The following SBNO1 variants were observed in gnomAD, a reference collection of about 807,000 sequenced individuals.
SBNO1 encodes strawberry notch homolog 1, also known as protein strawberry notch homolog 1.
SBNO1 carries 23 observed loss-of-function variants against 173.6 expected under a neutral mutation model. That is an observed-to-expected ratio of 0.13 (90% CI 0.10 to 0.19). SBNO1 has a LOEUF of 0.19. Among genes scored for constraint, SBNO1 ranks in the 10% least tolerant of loss-of-function variants. The probability of loss-of-function intolerance (pLI) is 1.00; values close to 1 mark genes in which losing one functional copy is unlikely to be tolerated. For synonymous variants in SBNO1, 632 were observed against 571.5 expected (o/e 1.11, Z -1.51); for missense variants, 1,238 against 1,671.2 (o/e 0.74, Z 4.52).
chr12:123,299,987 A>G (rs2048732163), intron 30 of SBNO1, among the ~76,000 whole-genome samples: 2 of 152,196 alleles, frequency 1.3e-5, no homozygotes, highest in East Asian at 3.8e-4. Flanking sequence ...GGAAGGACTC[A>G]GCAATCTAGA....
chr12:123,314,568 T>C (rs927722337), intron 23 of SBNO1, among the ~76,000 whole-genome samples: 36 of 152,006 alleles, frequency 2.4e-4, no homozygotes, highest in African/African-American at 8.7e-4. Context: ...GACCTCGTGA[T>C]CCACCCACCT....
intron 31 of SBNO1, 81 bp from the exon 32 acceptor site, chr12:123,296,131 G>A: frequency 1.2e-6 from 1 of 869,002 alleles, no homozygotes; most frequent in Admixed American, 2.1e-5. Flanking sequence ...TCCAAATGAG[G>A]CATAATATTA....
In SBNO1 at chr12:123,297,674, G is replaced by A. The variant is rs2048654943; in HGVS notation, c.4039+304C>T. On this transcript the variant is annotated intron_variant, in intron 31 of 31. Coordinates refer to ENST00000602398, the MANE Select transcript of SBNO1 (RefSeq NM_001167856.3). Reference sequence around the variant, plus strand: ...AGTTAGCTCAATGGAGAACTCCTGGGCAAGAGGCTGAACTGTCTACACACC... The same window carrying A: ...AGTTAGCTCAATGGAGAACTCCTGGACAAGAGGCTGAACTGTCTACACACC... 1.3e-5 allele frequency among the ~76,000 whole-genome samples: 2 copies of A among 151,960 alleles called. 1 individual carries two copies. Among genetic ancestry groups the A allele is most frequent in the Admixed American group, 1.3e-4 (2 of 15,226 alleles).
intron 16 of SBNO1, among the ~76,000 whole-genome samples, chr12:123,322,281 T>C (rs1463062198): frequency 6.6e-6 from 1 of 151,862 alleles, no homozygotes; most frequent in Non-Finnish European, 1.5e-5. Flanking sequence ...TACAGGCACA[T>C]GCAACCATGA....
At chr12:123,298,932 G>A (rs1183092149) in intron 30 of SBNO1, among the ~76,000 whole-genome samples, 1 of 152,154 alleles carries the variant, frequency 6.6e-6, no homozygotes, top group Non-Finnish European at 1.5e-5. Context: ...TCTACAAAAA[G>A]TTTAAAATAA....
chr12:123,345,665 A>C, intron 3 of SBNO1, 95 bp from the exon 4 acceptor site: 1 of 1,050,644 alleles, frequency 9.5e-7, no homozygotes, highest in Non-Finnish European at 1.4e-6. Flanking sequence ...AAAATCTAAA[A>C]TGCACTTTTA....
chr12:123,317,480 T>C (rs1869419611), intron 20 of SBNO1, 124 bp from the exon 21 acceptor site: 1 of 844,230 alleles, frequency 1.2e-6, no homozygotes, highest in South Asian at 1.7e-5. Context: ...AGACTTCCAG[T>C]TTTATTTCCC....
intron 2 of SBNO1, among the ~76,000 whole-genome samples, chr12:123,348,594 G>C (rs1873499616): frequency 6.6e-6 from 1 of 152,090 alleles, no homozygotes; most frequent in Non-Finnish European, 1.5e-5. Context: ...GTGAAACCCT[G>C]TCTCTACTAA....
intron 21 of SBNO1, among the ~76,000 whole-genome samples, chr12:123,316,606 A>G (rs771617737): frequency 2.0e-5 from 3 of 150,938 alleles, no homozygotes; most frequent in Admixed American, 1.3e-4. Flanking sequence ...TGCAACCTTG[A>G]ACTCCTGGAC....
intron 29 of SBNO1, among the ~76,000 whole-genome samples, chr12:123,303,137 T>A (rs761951752): frequency 4.6e-5 from 7 of 152,172 alleles, no homozygotes; most frequent in Non-Finnish European, 1.0e-4. Context: ...TCAGAATGGC[T>A]ACAAATAATA....
At chr12:123,356,966 G>GTGCTT (rs1874532697) in intron 1 of SBNO1, among the ~76,000 whole-genome samples, 1 of 152,118 alleles carries the variant, frequency 6.6e-6, no homozygotes, top group South Asian at 2.1e-4. Flanking sequence ...AGCTTTATCT[G>GTGCTT]TGCTTTTATG....
intron 4 of SBNO1, among the ~76,000 whole-genome samples, chr12:123,343,984 T>C (rs1872829057): frequency 6.6e-6 from 1 of 152,176 alleles, no homozygotes. Context: ...CTAGATATCT[T>C]GTTCAGTCAG....
intron 7 of SBNO1, among the ~76,000 whole-genome samples, chr12:123,332,697 G>T (rs1435863586): frequency 6.6e-6 from 1 of 151,956 alleles, no homozygotes; most frequent in Non-Finnish European, 1.5e-5. Flanking sequence ...TTCCCAAGTA[G>T]ATGGCACTAG....
chr12:123,337,124 G>C (rs1593386152), intron 5 of SBNO1, among the ~76,000 whole-genome samples: 1 of 152,252 alleles, frequency 6.6e-6, no homozygotes, highest in African/African-American at 2.4e-5. Flanking sequence ...TCATATATAA[G>C]ATGGCCATAT....
At chr12:123,353,466 T>C (rs566174266) in intron 1 of SBNO1, among the ~76,000 whole-genome samples, 2 of 152,150 alleles carry the variant, frequency 1.3e-5, no homozygotes, top group African/African-American at 4.8e-5. Flanking sequence ...AAACGCCAGA[T>C]TGAGATTAAA....
chr12:123,293,431 C>T lies in SBNO1; in HGVS notation c.*2477G>A, dbSNP rs948238521. On this transcript the variant is annotated 3_prime_UTR_variant, in exon 32 of 32. Coordinates refer to ENST00000602398, the MANE Select transcript of SBNO1 (RefSeq NM_001167856.3). ...TTCACAGGGCGGCCAAACTAACTCG[C>T]TGATTTTTGCAAGACCACAGTGTAA... 2 of 152,094 alleles carry T rather than the reference C, an allele frequency of 1.3e-5. No homozygotes were observed. Among genetic ancestry groups the T allele is most frequent in the African/African-American group, 4.8e-5 (2 of 41,396 alleles). 9.4% of individuals were successfully genotyped at this position (152,094 alleles called of 1,614,324 possible).
In SBNO1 at chr12:123,342,119, C is replaced by G. The variant is rs534973520; in HGVS notation, c.551-1031G>C. Among the ~76,000 whole-genome samples, 3 of 151,968 alleles carry G rather than the reference C, an allele frequency of 2.0e-5. No homozygotes were observed. In the East Asian group the frequency reaches 5.8e-4, roughly 29 times the overall value. On this transcript the variant is annotated intron_variant, in intron 4 of 31. Coordinates refer to ENST00000602398, the MANE Select transcript of SBNO1 (RefSeq NM_001167856.3). ...ATACAAAATTAGCCGGGCATGGTGG[C>G]GCATGCTCATAATCCCAGCTACTTG...
intron 20 of SBNO1, among the ~76,000 whole-genome samples, chr12:123,317,661 T>C (rs1869443744): frequency 6.6e-6 from 1 of 152,168 alleles, no homozygotes; most frequent in Non-Finnish European, 1.5e-5. Flanking sequence ...ACAGGTATCT[T>C]GGAATACAAA....
intron 7 of SBNO1, among the ~76,000 whole-genome samples, chr12:123,333,513 T>G (rs1188115890): frequency 6.6e-6 from 1 of 152,082 alleles, no homozygotes; most frequent in Admixed American, 6.6e-5. Context: ...ATAATTTTTT[T>G]TTTTTGAGAC....
Sources: gnomAD v4.1 joint callset for allele counts (sites outside exome capture counted in the v4.1 genomes callset) on GRCh38, gnomAD v4.1.1 for gene constraint, MANE v1.5 for transcripts, NCBI Gene and HGNC (gene_info 2026-07-23, HGNC 2026-07-21) for gene names.